Variants in CAV1 observed in about 807,000 individuals in gnomAD.
The protein encoded by CAV1 is caveolin-1.
CAV1 carries 10 observed loss-of-function variants against 16.5 expected under a neutral mutation model. The ratio of observed to expected loss-of-function variants is 0.61; its 90% CI spans 0.37 to 1.03. The LOEUF (loss-of-function observed/expected upper bound fraction) is 1.03. CAV1 is among the 50% of genes least tolerant of loss of function. The pLI is 0.01. For synonymous variants in CAV1, 76 were observed against 85.1 expected (o/e 0.89, Z 0.59); for missense variants, 212 against 232.8 (o/e 0.91, Z 0.58).
At chr7:116,530,208 C>CTTTTGTTTTTTTTTTTT (rs1793657512) in intron 2 of CAV1, among the ~76,000 whole-genome samples, 1 of 125,360 alleles carries the variant, frequency 8.0e-6, no homozygotes, top group African/African-American at 3.2e-5. Flanking sequence ...GTCCTTTTTC[C>CTTTTGTTTTTTTTTTTT]TTTTTTTTTT....
At chr7:116,548,478 G>A (rs2116052893) in intron 2 of CAV1, among the ~76,000 whole-genome samples, 1 of 152,288 alleles carries the variant, frequency 6.6e-6, no homozygotes, top group South Asian at 2.1e-4. Flanking sequence ...ATATCCTCTT[G>A]CTTGGATCAC....
intron 2 of CAV1, among the ~76,000 whole-genome samples, chr7:116,546,098 A>G (rs1794040470): frequency 6.6e-6 from 1 of 152,308 alleles, no homozygotes; most frequent in Admixed American, 6.5e-5. Flanking sequence ...CTAATCACCC[A>G]GTATCCATGC....
intron 2 of CAV1, among the ~76,000 whole-genome samples, chr7:116,536,944 A>G (rs1368686878): frequency 7.2e-6 from 1 of 138,544 alleles, no homozygotes; most frequent in Non-Finnish European, 1.5e-5. Context: ...CGGAGCTTGC[A>G]GTGAGCCGAG....
chr7:116,539,616 A>G (rs1233152611), intron 2 of CAV1, among the ~76,000 whole-genome samples: 1 of 152,166 alleles, frequency 6.6e-6, no homozygotes, highest in Non-Finnish European at 1.5e-5. Flanking sequence ...TGAAGAGAAA[A>G]CTCATTCTAA....
At chr7:116,539,235 A>G (rs940771024) in intron 2 of CAV1, among the ~76,000 whole-genome samples, 2 of 152,046 alleles carry the variant, frequency 1.3e-5, no homozygotes, top group African/African-American at 4.8e-5. Flanking sequence ...CTGCTGTGGC[A>G]TTCATCAAAG....
At chr7:116,526,260 T>C (rs1292600724) in intron 1 of CAV1, 1 of 1,240,810 alleles carries the variant, frequency 8.1e-7, no homozygotes. Context: ...CCCTGACCCC[T>C]GGCGGCGGGC....
At chr7:116,528,134 AG>A (rs1793608951) in intron 2 of CAV1, among the ~76,000 whole-genome samples, 1 of 150,616 alleles carries the variant, frequency 6.6e-6, no homozygotes, top group Non-Finnish European at 1.5e-5. Flanking sequence ...CCAGGAAAAG[AG>A]GCAGATTTCA....
intron 2 of CAV1, among the ~76,000 whole-genome samples, chr7:116,539,908 T>C (rs1342366539): frequency 6.6e-6 from 1 of 152,220 alleles, no homozygotes; most frequent in East Asian, 1.9e-4. Flanking sequence ...AGAAGTCCCC[T>C]GGCAAGGGAG....
At chr7:116,525,554 C>T in intron 1 of CAV1, 1 of 1,216,800 alleles carries the variant, frequency 8.2e-7, no homozygotes, top group Non-Finnish European at 1.0e-6. Context: ...CCGCAGGCGG[C>T]GCGCGGTGTG....
At chr7:116,536,232 C>T (rs944020666) in intron 2 of CAV1, among the ~76,000 whole-genome samples, 4 of 152,110 alleles carry the variant, frequency 2.6e-5, no homozygotes, top group Non-Finnish European at 5.9e-5. Flanking sequence ...GCCACTTGCT[C>T]CATTATGGAC....
At chr7:116,548,087 G>A (rs1179462579) in intron 2 of CAV1, among the ~76,000 whole-genome samples, 4 of 152,106 alleles carry the variant, frequency 2.6e-5, no homozygotes, top group South Asian at 2.1e-4. Context: ...GAAGCCTAAG[G>A]TATCCTTGTT....
Position 116,560,059 on chromosome 7 carries a change from C to G in CAV1, c.*772C>G, listed in dbSNP as rs886175009. 1 of 379,934 alleles carries G rather than the reference C, an allele frequency of 2.6e-6. No individual in the cohort carries two copies. Among genetic ancestry groups the G allele is most frequent in the African/African-American group, 2.1e-5 (1 of 48,116 alleles). The allele number at this position is 379,934 out of a possible 1,614,324, so 23.5% of individuals were successfully genotyped here. On this transcript the variant is annotated 3_prime_UTR_variant, in exon 3 of 3. Coordinates refer to ENST00000341049, the MANE Select transcript of CAV1 (RefSeq NM_001753.5). Reference sequence around the variant, plus strand: ...AATATCCATGACCTAGTTTTCCATGCGTGTTTCTGACTCTGAGCTACAGAG... The same window carrying G: ...AATATCCATGACCTAGTTTTCCATGGGTGTTTCTGACTCTGAGCTACAGAG...
chr7:116,559,911 G>T lies in CAV1; in HGVS notation c.*624G>T. On this transcript the variant is annotated 3_prime_UTR_variant, in exon 3 of 3. Coordinates refer to ENST00000341049, the MANE Select transcript of CAV1 (RefSeq NM_001753.5). ...TTAACCTATGATATTTTCTGTGCCT[G>T]AATATTTGTTATGTAGATAACAAGA... 5.0e-6 allele frequency: 2 copies of T among 399,168 alleles called. No individual in the cohort carries two copies. The highest frequency in any genetic ancestry group is 2.6e-4 in the South Asian group (2 of 7,782). The allele number at this position is 399,168 out of a possible 1,614,324, so 24.7% of individuals were successfully genotyped here. A position where few individuals can be genotyped will look rare whatever the true frequency, so the allele number is the denominator to read the frequency against.
chr7:116,554,801 C>G (rs1234469527), intron 2 of CAV1, among the ~76,000 whole-genome samples: 1 of 152,100 alleles, frequency 6.6e-6, no homozygotes, highest in Non-Finnish European at 1.5e-5. Flanking sequence ...TTCTTTGAAT[C>G]ATCAAACTGG....
chr7:116,535,002 C>G (rs777102596), intron 2 of CAV1, among the ~76,000 whole-genome samples: 12 of 152,152 alleles, frequency 7.9e-5, no homozygotes, highest in Admixed American at 2.6e-4. Flanking sequence ...CAATGGTTCT[C>G]CATCCCTTCA....
At chr7:116,558,604 T>TTAGCCAAG (rs893993747) in intron 2 of CAV1, among the ~76,000 whole-genome samples, 7 of 147,952 alleles carry the variant, frequency 4.7e-5, no homozygotes, top group African/African-American at 1.2e-4. Context: ...AAAAAAAGGA[T>TTAGCCAAG]TAGCCAAGTG....
At chr7:116,527,544 A>G (rs1383030949) in intron 2 of CAV1, among the ~76,000 whole-genome samples, 2 of 152,210 alleles carry the variant, frequency 1.3e-5, no homozygotes, top group African/African-American at 2.4e-5. Flanking sequence ...TTAAATTATC[A>G]TTGTTATTAG....
At position 116,539,553 on chromosome 7, in the gene CAV1, A is replaced by T. The variant is rs539362233; in HGVS notation, c.195+12864A>T. ...TATTTGAAAATCTTGTTGGAAAAAA[A>T]AATTCAAGAACTTAATAAATAAATT... On this transcript the variant is annotated intron_variant, in intron 2 of 2. Coordinates refer to ENST00000341049, the MANE Select transcript of CAV1 (RefSeq NM_001753.5). 7.1e-3 allele frequency among the ~76,000 whole-genome samples: 1,080 copies of T among 152,318 alleles called. 14 individuals carry two copies. The highest frequency in any genetic ancestry group is 0.025 in the African/African-American group (1,020 of 41,560).
At chr7:116,550,659 C>A (rs66916956) in intron 2 of CAV1, among the ~76,000 whole-genome samples, 1 of 152,030 alleles carries the variant, frequency 6.6e-6, no homozygotes, top group East Asian at 1.9e-4. Context: ...GGAAGCTCAA[C>A]GTGTTAAAAA....
Sources: allele counts gnomAD v4.1 joint callset (sites outside exome capture counted in the v4.1 genomes callset), GRCh38; gene constraint gnomAD v4.1.1; transcripts MANE v1.5; gene names NCBI Gene and HGNC (gene_info 2026-07-23, HGNC 2026-07-21).